The following CLCN7 variants were observed in gnomAD, a reference collection of about 807,000 sequenced individuals.
The protein encoded by CLCN7 is H(+)/Cl(-) exchange transporter 7.
CLCN7 carries 60 observed loss-of-function variants against 102.1 expected under a neutral mutation model. The observed-to-expected ratio is 0.59, with a 90% CI of 0.48 to 0.73. CLCN7 has a LOEUF of 0.73. CLCN7 is among the 30% of genes least tolerant of loss of function. The probability of loss-of-function intolerance (pLI) is 0.00; values close to 1 mark genes in which losing one functional copy is unlikely to be tolerated. For missense variants in CLCN7, 962 were observed against 1,125.7 expected, an observed-to-expected ratio of 0.85 and a Z score of 2.08; for synonymous variants, 560 against 490.5, an observed-to-expected ratio of 1.14 and a Z score of -1.87.
chr16:1,445,364 C>T lies in CLCN7; in HGVS notation c.*1267G>A, dbSNP rs1032972976. The T allele has an allele frequency of 1.3e-5, 2 of 152,324 alleles. No homozygotes were observed. The highest frequency in any genetic ancestry group is 2.1e-4 in the South Asian group (1 of 4,838). The allele number at this position is 152,324 out of a possible 1,614,324, so 9.4% of individuals were successfully genotyped here. A position where few individuals can be genotyped will look rare whatever the true frequency, so the allele number is the denominator to read the frequency against. On this transcript the variant is annotated 3_prime_UTR_variant, in exon 25 of 25. Transcript: ENST00000382745. ...GGGCTGAGAGGATTTCTTTATTTCG[C>T]GTTCAGACCCAACACACTCGGACAC...
chr16:1,467,373 C>T (rs73493721), intron 1 of CLCN7, among the ~76,000 whole-genome samples: 1,809 of 152,342 alleles, frequency 0.012, 33 homozygotes, highest in African/African-American at 0.04. Flanking sequence ...AGCCCTCAGT[C>T]ACAGGCGAAA....
rs553756518 is a variant in CLCN7 at position 1,453,772 on chromosome 16, G to A, written c.1214+62C>T. On this transcript the variant is annotated intron_variant, in intron 14 of 24. Coordinates refer to ENST00000382745, the MANE Select transcript of CLCN7 (RefSeq NM_001287.6). ...GTGTAAACCCCATTCCACCACGTCC[G>A]CTTTCAAAGGGCCTGTGTGGCCACG... 2.4e-5 allele frequency: 36 copies of A among 1,493,916 alleles called. No individual in the cohort carries two copies. In the African/African-American group the frequency reaches 3.0e-4, roughly 13 times the overall value. 92.5% of individuals were successfully genotyped at this position (1,493,916 alleles called of 1,614,324 possible). A position where few individuals can be genotyped will look rare whatever the true frequency, so the allele number is the denominator to read the frequency against.
chr16:1,469,879 A>G (rs1421624547), intron 1 of CLCN7, among the ~76,000 whole-genome samples: 1 of 152,230 alleles, frequency 6.6e-6, no homozygotes, highest in African/African-American at 2.4e-5. Context: ...TAATTCAGCC[A>G]TAAAGAGGAA....
rs1161547013 is a variant in CLCN7, at chr16:1,450,624, T to C, written c.1490A>G (p.Tyr497Cys). The change falls in exon 17 of 25, where the codon TAC (tyrosine) becomes TGC (cysteine). Residue 497 changes from tyrosine to cysteine, a missense_variant. Tyr to Cys is a radical substitution (Grantham distance 194). This residue lies in a region of CLCN7 where 799 missense variants were observed against 988.0 expected (regional missense o/e 0.81). Transcript: ENST00000382745. ...GTAGGTCCAGCAGGCCAGGAAGAAG[T>C]AGACCAGCGTGAACAGGCCGAGGGT... ...PLTLGLFTLV[Y>C]FFLACWTYGL... 5.6e-6 allele frequency: 9 copies of C among 1,612,320 alleles called. No individual in the cohort carries two copies. Among genetic ancestry groups the C allele is most frequent in the Non-Finnish European group, 5.9e-6 (7 of 1,179,726 alleles).
intron 1 of CLCN7, among the ~76,000 whole-genome samples, chr16:1,471,242 G>C (rs2039073790): frequency 6.6e-6 from 1 of 152,178 alleles, no homozygotes; most frequent in Admixed American, 6.5e-5. Context: ...TTGGCCAGCT[G>C]TGCCCACGCT....
At chr16:1,448,206 G>T in intron 21 of CLCN7, 149 bp downstream of exon 21, 1 of 1,098,290 alleles carries the variant, frequency 9.1e-7, no homozygotes, top group Non-Finnish European at 1.3e-6. Flanking sequence ...AGCCCTCCAT[G>T]GCTGCACACT....
At chr16:1,464,632 C>A (rs996428647) in intron 2 of CLCN7, among the ~76,000 whole-genome samples, 3 of 152,236 alleles carry the variant, frequency 2.0e-5, no homozygotes, top group Non-Finnish European at 2.9e-5. Context: ...CAGCCTCTGA[C>A]GTGGCCCAGG....
At chr16:1,447,812 T>C in intron 21 of CLCN7, 98 bp from the exon 22 acceptor site, 1 of 1,363,604 alleles carries the variant, frequency 7.3e-7, no homozygotes, top group Non-Finnish European at 1.0e-6. Context: ...TCCGGCCAGA[T>C]TTCCCATCTG....
At position 1,454,230 on chromosome 16, in the gene CLCN7, G is replaced by A. The variant is rs560968229; in HGVS notation, c.1153+181C>T. 4.0e-4 allele frequency among the ~76,000 whole-genome samples: 61 copies of A among 152,370 alleles called. 2 individuals carry two copies. Among genetic ancestry groups the A allele is most frequent in the African/African-American group, 1.3e-3 (55 of 41,590 alleles). On this transcript the variant is annotated intron_variant, in intron 13 of 24. Coordinates refer to ENST00000382745, the MANE Select transcript of CLCN7 (RefSeq NM_001287.6). The stretch of plus-strand genomic sequence containing the variant: ...ATAAACAACGGGAAGCCACAGAAGC[G>A]AAGCTTTGGGCTCCCCACTCCCCAC...
At chr16:1,460,285 G>A (rs920165110) in intron 6 of CLCN7, 133 bp downstream of exon 6, 14 of 716,696 alleles carry the variant, frequency 2.0e-5, no homozygotes, top group South Asian at 2.9e-5. Flanking sequence ...TCTGGACCAC[G>A]TGATTCTAAA....
In CLCN7 at chr16:1,457,614, G is replaced by T. The variant is rs1031663533; in HGVS notation, c.738+80C>A. Reference sequence around the variant, plus strand: ...TGGAGACCAGAAGGACCGGTGCTCAGAGACACACATGGGCGTGGCGGCCCT... The same window carrying T: ...TGGAGACCAGAAGGACCGGTGCTCATAGACACACATGGGCGTGGCGGCCCT... On this transcript the variant is annotated intron_variant, in intron 8 of 24. Coordinates refer to ENST00000382745, the MANE Select transcript of CLCN7 (RefSeq NM_001287.6). The surrounding 1 kb of genome is among the most constrained non-coding windows in gnomAD (Gnocchi z 5.4). The T allele has an allele frequency of 7.0e-7, 1 of 1,429,540 alleles. No homozygotes were observed. The highest frequency in any genetic ancestry group is 9.8e-7 in the Non-Finnish European group (1 of 1,019,766). 88.6% of individuals were successfully genotyped at this position (1,429,540 alleles called of 1,614,324 possible). A position where few individuals can be genotyped will look rare whatever the true frequency, so the allele number is the denominator to read the frequency against.
Position 1,457,254 on chromosome 16 carries a change from C to T in CLCN7, c.822G>A (p.Lys274=), listed in dbSNP as rs1463354172. 1 of 1,613,528 alleles carries T rather than the reference C, an allele frequency of 6.2e-7. No individual in the cohort carries two copies. The highest frequency in any genetic ancestry group is 1.1e-5 in the South Asian group (1 of 91,082). ...CCACCCACACAAGATTTCAACTCAC[C>T]TTGAAATCTCGTTTCAGTGACGTTG... ...GRSTSLKRDF[K]IFEYFRRDTE... Residue 274 remains lysine (K), a splice_region_variant and synonymous_variant, in exon 9 of 25, where the codon AAG becomes AAA. Transcript: ENST00000382745. This position sits in a 1 kb window ranked among gnomAD's most constrained non-coding sequence, Gnocchi z 5.4.
rs199613161 is a variant in CLCN7, at chr16:1,456,130, G to A, written c.899C>T (p.Ala300Val). The A allele has an allele frequency of 1.3e-5, 21 of 1,559,720 alleles. No homozygotes were observed. Among genetic ancestry groups the A allele is most frequent in the East Asian group, 2.4e-5 (1 of 41,588 alleles). ...SAGAAAGVSA[A>V]FGAPVGGVLF... The stretch of plus-strand genomic sequence containing the variant: ...CTCCTCACCCACGGGGGCTCCAAAC[G>A]CCGCTGACACTCCGGCCGCAGCCCC... The change falls in exon 10 of 25, where the codon GCG becomes GTG. Residue 300 changes from alanine (A) to valine (V), a missense_variant. Ala to Val is a moderately conservative substitution (Grantham distance 64). Transcript: ENST00000382745.
intron 1 of CLCN7, among the ~76,000 whole-genome samples, chr16:1,468,647 G>A (rs2039036414): frequency 6.6e-6 from 1 of 152,138 alleles, no homozygotes; most frequent in South Asian, 2.1e-4. Context: ...ACTCCCGAGA[G>A]GCGAGACTCG....
rs530223815 is a variant in CLCN7, at chr16:1,457,113, C to T, written c.822+141G>A. ...CGGGCAGGGACTGTGCCCGCTGGCT[C>T]TGGGAGCCACCCGCCAGGCTGTCCT... On this transcript the variant is annotated intron_variant, in intron 9 of 24. Coordinates refer to ENST00000382745, the MANE Select transcript of CLCN7 (RefSeq NM_001287.6). The surrounding 1 kb of genome is among the most constrained non-coding windows in gnomAD (Gnocchi z 5.4). 2 of 803,926 alleles carry T rather than the reference C, an allele frequency of 2.5e-6. No homozygotes were observed. Among genetic ancestry groups the T allele is most frequent in the Admixed American group, 3.9e-5 (2 of 51,822 alleles). 49.8% of individuals were successfully genotyped at this position (803,926 alleles called of 1,614,324 possible).
rs376680873 is a variant in CLCN7, at chr16:1,460,466, C to G, written c.546G>C (p.Leu182=). ...AGCCCACGAGCACGAAGGCGGCGTT[C>G]AGCGTGGCCCACAGCAACAGGGAGA... ...LSFSLLLWAT[L]NAAFVLVGSV... Residue 182 remains leucine (L), a synonymous_variant, in exon 6 of 25, where the codon CTG becomes CTC. Coordinates refer to ENST00000382745, the MANE Select transcript of CLCN7 (RefSeq NM_001287.6). The G allele has an allele frequency of 9.3e-6, 15 of 1,613,740 alleles. No homozygotes were observed. The highest frequency in any genetic ancestry group is 1.3e-5 in the African/African-American group (1 of 74,932).
In CLCN7 at chr16:1,454,632, C is replaced by T. The variant is rs4265806; in HGVS notation, c.1099-167G>A. The stretch of plus-strand genomic sequence containing the variant: ...ACAGGGGAGAAACACACTGGGTGTT[C>T]TGAGCAGGCCTGGCCCCTGCCTGGC... On this transcript the variant is annotated intron_variant, in intron 12 of 24. Transcript: ENST00000382745. Among the ~76,000 whole-genome samples the T allele has an allele frequency of 0.61, 92,607 of 152,132 alleles. 29,361 individuals are homozygous for T. Among genetic ancestry groups the T allele is most frequent in the East Asian group, 0.88 (4,551 of 5,164 alleles).
rs978605530 is a variant in CLCN7, at chr16:1,469,020, G to A, written c.142-3682C>T. ...AGCCTGGCCAACATGAAGCAACCCCGTCTCTACTTAAAAAAAACGAAAAAA... is the reference window on the plus strand; with the variant it reads ...AGCCTGGCCAACATGAAGCAACCCCATCTCTACTTAAAAAAAACGAAAAAA... On this transcript the variant is annotated intron_variant, in intron 1 of 24. Coordinates refer to ENST00000382745, the MANE Select transcript of CLCN7 (RefSeq NM_001287.6). Among the ~76,000 whole-genome samples the A allele has an allele frequency of 5.5e-5, 8 of 145,854 alleles. No homozygotes were observed. The South Asian group carries it at 6.6e-4, about 12-fold the overall frequency.
In CLCN7 at chr16:1,456,207, C is replaced by G; in HGVS notation, c.823-1G>C. 1.3e-6 allele frequency: 2 copies of G among 1,562,796 alleles called. No homozygotes were observed. The highest frequency in any genetic ancestry group is 1.2e-5 in the South Asian group (1 of 85,658). ...TGTCTCTGCGGAAGTACTCGAAGAT[C>G]TGCAACAGGGACAGACCAGGGTCGG... is the stretch of plus-strand genomic sequence containing the variant. On this transcript the variant is annotated splice_acceptor_variant, in intron 9 of 24. Transcript: ENST00000382745. LOFTEE classifies it high-confidence loss of function.
Sources: allele counts gnomAD v4.1 joint callset (sites outside exome capture counted in the v4.1 genomes callset), GRCh38; gene constraint gnomAD v4.1.1; regional missense constraint gnomAD v4.1.1; non-coding constraint Gnocchi (gnomAD v3.1); transcripts MANE v1.5; gene names NCBI Gene and HGNC (gene_info 2026-07-23, HGNC 2026-07-21).